GLUL: variants seen among roughly 807,000 people sequenced by gnomAD.
GLUL encodes glutamate-ammonia ligase.
Under a neutral mutation model 36.9 loss-of-function variants are expected in GLUL, and 8 were observed. The ratio of observed to expected loss-of-function variants is 0.22; its 90% confidence interval spans 0.13 to 0.39. GLUL has a LOEUF of 0.39. GLUL is among the 10% of genes least tolerant of loss of function. The pLI is 1.00. For missense variants in GLUL, 315 were observed against 501.8 expected (o/e 0.63, Z 3.56); for synonymous variants, 182 against 172.8 (o/e 1.05, Z -0.42).
intron 1 of GLUL, 36 bp from the exon 2 acceptor site, chr1:182,388,786 C>A: frequency 6.6e-7 from 1 of 1,517,488 alleles, no homozygotes; most frequent in South Asian, 1.1e-5. Context: ...TGTTAACGCC[C>A]ACTCCAAACT....
chr1:182,384,744 G>A lies in GLUL; in HGVS notation c.804-21C>T, dbSNP rs745587002. 5.6e-5 allele frequency: 89 copies of A among 1,594,302 alleles called. No homozygotes were observed. The highest frequency in any genetic ancestry group is 7.2e-5 in the Non-Finnish European group (84 of 1,162,294). ...TGTACCTAGAGTAAACAGAAAAGAT[G>A]GCAGTCCAACCTTGTCTCCAGGTAT... On this transcript the variant is annotated intron_variant, in intron 6 of 6. Transcript: ENST00000331872.
Position 182,384,487 on chromosome 1 carries a change from T to C in GLUL, c.1040A>G (p.Asp347Gly), listed in dbSNP as rs1650083017. 6.2e-7 allele frequency: 1 copy of C among 1,613,528 alleles called. No individual in the cohort carries two copies. Among genetic ancestry groups the C allele is most frequent in the Non-Finnish European group, 8.5e-7 (1 of 1,179,812 alleles). ...FEDRRPSANCDPFSVTEALIR... is the reference protein window; with the variant it reads ...FEDRRPSANCGPFSVTEALIR... Reference sequence around the variant, plus strand: ...GAGGGCTTCTGTCACCGAAAAGGGGTCGCAGTTGGCAGAGGGGCGACGATC... The same window carrying C: ...GAGGGCTTCTGTCACCGAAAAGGGGCCGCAGTTGGCAGAGGGGCGACGATC... The change falls in exon 7 of 7, where the codon GAC becomes GGC. Residue 347 changes from aspartate to glycine, a missense_variant. By Grantham distance (94) the Asp-to-Gly change is moderately conservative. Around this residue, in one of 3 missense-constraint regions of GLUL, gnomAD observed 58 missense variants for 89.5 expected, o/e 0.65. Transcript: ENST00000331872.
rs1230443484 is a variant in GLUL at position 182,386,101 on chromosome 1, T to C, written c.475+155A>G. The C allele has an allele frequency of 1.6e-5, 14 of 894,230 alleles. No homozygotes were observed. In the African/African-American group the frequency reaches 2.3e-4, roughly 15 times the overall value. The allele number at this position is 894,230 out of a possible 1,614,324, so 55.4% of individuals were successfully genotyped here. Reference sequence around the variant, plus strand: ...CCTAAAACCTTACTTTATATATTCATATCCATTTTTGGACTTTGGTGATGT... The same window carrying C: ...CCTAAAACCTTACTTTATATATTCACATCCATTTTTGGACTTTGGTGATGT... On this transcript the variant is annotated intron_variant, in intron 4 of 6. Coordinates refer to ENST00000331872, the MANE Select transcript of GLUL (RefSeq NM_001033044.4).
chr1:182,386,568 A>G, intron 3 of GLUL, 166 bp from the exon 4 acceptor site: 2 of 704,888 alleles, frequency 2.8e-6, no homozygotes, highest in East Asian at 2.6e-5. Context: ...CAGAAAAATG[A>G]GAGAAGCTGT....
intron 2 of GLUL, among the ~76,000 whole-genome samples, chr1:182,387,599 T>C (rs1391395505): frequency 1.3e-5 from 2 of 152,208 alleles, no homozygotes; most frequent in Non-Finnish European, 2.9e-5. Context: ...ATCCTATCAA[T>C]CACTTAAAAT....
At position 182,382,799 on chromosome 1, in the gene GLUL, A is replaced by G. The variant is rs1237076264; in HGVS notation, c.*1606T>C. 6.6e-6 allele frequency: 1 copy of G among 152,322 alleles called. No individual in the cohort carries two copies. The highest frequency in any genetic ancestry group is 2.1e-4 in the South Asian group (1 of 4,826). 9.4% of individuals were successfully genotyped at this position (152,322 alleles called of 1,614,324 possible). ...TCACTCCAGTGTTTTAAAAACTCAGAGTACATAAACTTGAGCTTATTTTGC... is the reference window on the plus strand; with the variant it reads ...TCACTCCAGTGTTTTAAAAACTCAGGGTACATAAACTTGAGCTTATTTTGC... On this transcript the variant is annotated 3_prime_UTR_variant, in exon 7 of 7. Coordinates refer to ENST00000331872, the MANE Select transcript of GLUL (RefSeq NM_001033044.4).
At chr1:182,390,567 C>G (rs561370167) in intron 1 of GLUL, 42 of 399,126 alleles carry the variant, frequency 1.1e-4, no homozygotes, top group Non-Finnish European at 6.2e-5. Flanking sequence ...GAGTGGCGTT[C>G]GCGCCTCTCC....
chr1:182,391,005 G>A, intron 1 of GLUL: 1 of 397,246 alleles, frequency 2.5e-6, no homozygotes, highest in Non-Finnish European at 4.4e-6. Context: ...GGGGTTGGGG[G>A]GTCCGGGGGA....
At position 182,381,161 on chromosome 1, in the gene GLUL, G is replaced by A. The variant is rs1285804508; in HGVS notation, c.*3244C>T. On this transcript the variant is annotated 3_prime_UTR_variant, in exon 7 of 7. Coordinates refer to ENST00000331872, the MANE Select transcript of GLUL (RefSeq NM_001033044.4). ...GCACACCTGTAGTCTCAGCTACTTG[G>A]GAGGCTGAGGCAGGAGAATCGCTTG... 6.6e-6 allele frequency among the ~76,000 whole-genome samples: 1 copy of A among 152,218 alleles called. No individual in the cohort carries two copies. The highest frequency in any genetic ancestry group is 6.5e-5 in the Admixed American group (1 of 15,290).
chr1:182,379,991 T>C lies in GLUL; in HGVS notation c.*4414A>G, dbSNP rs536119690. ...TCCCAAGCAGCTGGGATTACAGGCA[T>C]GTGCCACCACGCCCGGCTAATTTTT... On this transcript the variant is annotated 3_prime_UTR_variant, in exon 7 of 7. Transcript: ENST00000331872. 1.3e-5 allele frequency among the ~76,000 whole-genome samples: 2 copies of C among 151,376 alleles called. No homozygotes were observed. Among genetic ancestry groups the C allele is most frequent in the African/African-American group, 4.9e-5 (2 of 41,154 alleles).
At chr1:182,384,843 T>C (rs987554176) in intron 6 of GLUL, 120 bp from the exon 7 acceptor site, 1 of 768,190 alleles carries the variant, frequency 1.3e-6, no homozygotes, top group African/African-American at 1.7e-5. Flanking sequence ...GGCTGCATCT[T>C]CTTACCTGTG....
rs1281159172 is a variant in GLUL, at chr1:182,378,726, C to T, written c.*5679G>A. ...TGCATATTCTCACAAATATGGTATA[C>T]ATTTATATTATGCATGTGTATGGAC... On this transcript the variant is annotated 3_prime_UTR_variant, in exon 7 of 7. Coordinates refer to ENST00000331872, the MANE Select transcript of GLUL (RefSeq NM_001033044.4). 6.6e-6 allele frequency among the ~76,000 whole-genome samples: 1 copy of T among 152,166 alleles called. No individual in the cohort carries two copies. Among genetic ancestry groups the T allele is most frequent in the African/African-American group, 2.4e-5 (1 of 41,430 alleles).
At chr1:182,386,125 G>T in intron 4 of GLUL, 131 bp downstream of exon 4, 1 of 981,572 alleles carries the variant, frequency 1.0e-6, no homozygotes, top group Non-Finnish European at 1.7e-6. Flanking sequence ...CTTTGGTGAT[G>T]TGAGGGCTGT....
chr1:182,384,546 C>G lies in GLUL; in HGVS notation c.981G>C (p.Arg327=). 6.2e-7 allele frequency: 1 copy of G among 1,614,170 alleles called. No homozygotes were observed. The highest frequency in any genetic ancestry group is 1.1e-5 in the South Asian group (1 of 91,082). ...ANRSASIRIP[R]TVGQEKKGYF... Reference sequence around the variant, plus strand: ...AACCCTTCTTCTCCTGGCCAACAGTCCGGGGAATGCGTATGCTGGCGCTAC... The same window carrying G: ...AACCCTTCTTCTCCTGGCCAACAGTGCGGGGAATGCGTATGCTGGCGCTAC... The change falls in exon 7 of 7, where the codon CGG becomes CGC. Residue 327 remains arginine, a synonymous_variant. Coordinates refer to ENST00000331872, the MANE Select transcript of GLUL (RefSeq NM_001033044.4).
In GLUL at chr1:182,388,701, T is replaced by A; in HGVS notation, c.37A>T (p.Ile13Phe). Residue 13 changes from isoleucine (I) to phenylalanine (F), a missense_variant, in exon 2 of 7, where the codon ATC (isoleucine) becomes TTC (phenylalanine). This residue lies in a region of GLUL where 256 missense variants were observed against 396.1 expected (regional missense o/e 0.65). Transcript: ENST00000331872. ...GGCAGGGACATGTACACCTGCTTGATGCCTTTATTTAAGTGGGAACTTGCT... is the reference window on the plus strand; with the variant it reads ...GGCAGGGACATGTACACCTGCTTGAAGCCTTTATTTAAGTGGGAACTTGCT... ...TSASSHLNKG[I>F]KQVYMSLPQG... 1 of 1,613,910 alleles carries A rather than the reference T, an allele frequency of 6.2e-7. No individual in the cohort carries two copies. Among genetic ancestry groups the A allele is most frequent in the Non-Finnish European group, 8.5e-7 (1 of 1,179,760 alleles).
At position 182,381,641 on chromosome 1, in the gene GLUL, A is replaced by C. The variant is rs1488656711; in HGVS notation, c.*2764T>G. ...CCTAAATTCTGATCCTATGAATTTAAAATTCCTTCTCATGCAATCATTTTG... is the reference window on the plus strand; with the variant it reads ...CCTAAATTCTGATCCTATGAATTTACAATTCCTTCTCATGCAATCATTTTG... On this transcript the variant is annotated 3_prime_UTR_variant, in exon 7 of 7. Coordinates refer to ENST00000331872, the MANE Select transcript of GLUL (RefSeq NM_001033044.4). The C allele has an allele frequency of 6.6e-6, 1 of 152,234 alleles. No homozygotes were observed. The highest frequency in any genetic ancestry group is 2.4e-5 in the African/African-American group (1 of 41,464). 9.4% of individuals were successfully genotyped at this position (152,234 alleles called of 1,614,324 possible). A position where few individuals can be genotyped will look rare whatever the true frequency, so the allele number is the denominator to read the frequency against.
Position 182,380,076 on chromosome 1 carries a change from G to C in GLUL, c.*4329C>G, listed in dbSNP as rs1002276094. Among the ~76,000 whole-genome samples the C allele has an allele frequency of 2.0e-5, 3 of 151,952 alleles. No homozygotes were observed. The highest frequency in any genetic ancestry group is 7.2e-5 in the African/African-American group (3 of 41,380). ...TTGGCCCGGCTGGTCTCAAACTCCC[G>C]ATCTCAGGTGATCCACCTGCCTCGG... On this transcript the variant is annotated 3_prime_UTR_variant, in exon 7 of 7. Transcript: ENST00000331872.
chr1:182,380,760 A>T lies in GLUL; in HGVS notation c.*3645T>A, dbSNP rs1649899413. ...TGCAGGCACTACAACAGGTCTCAAG[A>T]TACAGTGGTGAGCAAGAAAAACAGG... On this transcript the variant is annotated 3_prime_UTR_variant, in exon 7 of 7. Transcript: ENST00000331872. 6.6e-6 allele frequency among the ~76,000 whole-genome samples: 1 copy of T among 152,254 alleles called. No individual in the cohort carries two copies. The highest frequency in any genetic ancestry group is 1.5e-5 in the Non-Finnish European group (1 of 68,046).
rs1218770291 is a variant in GLUL, at chr1:182,381,492, A to T, written c.*2913T>A. On this transcript the variant is annotated 3_prime_UTR_variant, in exon 7 of 7. Coordinates refer to ENST00000331872, the MANE Select transcript of GLUL (RefSeq NM_001033044.4). ...TATCACTGATAAAAGTTATCACATA[A>T]CCCATTGTCTGCAAATGAACTATAA... Among the ~76,000 whole-genome samples, 1 of 152,160 alleles carries T rather than the reference A, an allele frequency of 6.6e-6. No homozygotes were observed. Among genetic ancestry groups the T allele is most frequent in the Non-Finnish European group, 1.5e-5 (1 of 68,038 alleles).
Sources: gnomAD v4.1 joint callset for allele counts (sites outside exome capture counted in the v4.1 genomes callset) on GRCh38, gnomAD v4.1.1 for gene constraint, gnomAD v4.1.1 regional missense constraint, MANE v1.5 for transcripts, NCBI Gene and HGNC (gene_info 2026-07-23, HGNC 2026-07-21) for gene names.